Variants in FIP1L1 observed in about 807,000 individuals in gnomAD.
FIP1L1 encodes the protein factor interacting with PAPOLA and CPSF1.
A neutral mutation model predicts 84.6 loss-of-function variants in FIP1L1; 21 were observed. That is an observed-to-expected ratio of 0.25 (90% confidence interval 0.18 to 0.36). The LOEUF is 0.36. Among genes scored for constraint, FIP1L1 ranks in the 10% least tolerant of loss-of-function variants. FIP1L1 has a pLI of 1.00. For synonymous variants in FIP1L1, 263 were observed against 242.3 expected (o/e 1.09, Z -0.80); for missense variants, 526 against 751.1 (o/e 0.70, Z 3.50).
chr4:53,404,925 T>C (rs1404744524), intron 10 of FIP1L1, among the ~76,000 whole-genome samples: 10 of 151,020 alleles, frequency 6.6e-5, no homozygotes, highest in African/African-American at 2.4e-4. Context: ...GTCAGATGAG[T>C]AGGTTGCGAA....
rs1758714018 is a variant in FIP1L1, at chr4:53,414,777, T to C, written c.923+55T>C. ...CCTGATGTTTAGATCATCAATGTTG[T>C]TATGCCTTATTAGTAAGATAATAAA... On this transcript the variant is annotated intron_variant, in intron 11 of 17. Coordinates refer to ENST00000337488, the MANE Select transcript of FIP1L1 (RefSeq NM_030917.4). The C allele has an allele frequency of 2.7e-6, 3 of 1,095,700 alleles. No homozygotes were observed. In the Admixed American group the frequency reaches 5.8e-5, roughly 21 times the overall value. The allele number at this position is 1,095,700 out of a possible 1,614,324, so 67.9% of individuals were successfully genotyped here.
intron 14 of FIP1L1, among the ~76,000 whole-genome samples, 171 bp downstream of exon 14, chr4:53,442,878 C>T (rs555996882): frequency 6.6e-6 from 1 of 151,842 alleles, no homozygotes; most frequent in Non-Finnish European, 1.5e-5. Context: ...ACCTGTAGCC[C>T]GATATCAAAA....
chr4:53,414,563 G>T, intron 10 of FIP1L1, 52 bp from the exon 11 acceptor site: 4 of 1,236,452 alleles, frequency 3.2e-6, no homozygotes, highest in Non-Finnish European at 3.5e-6. Flanking sequence ...AGAACAAGGG[G>T]GGTCAGAGAC....
chr4:53,453,363 A>G (rs1560587804), intron 16 of FIP1L1, among the ~76,000 whole-genome samples: 2 of 152,094 alleles, frequency 1.3e-5, no homozygotes, highest in African/African-American at 4.8e-5. Flanking sequence ...CCCTTCATTT[A>G]TTTTTATCTT....
intron 6 of FIP1L1, 27 bp from the exon 7 acceptor site, chr4:53,390,494 C>T: frequency 1.4e-6 from 2 of 1,458,476 alleles, no homozygotes; most frequent in African/African-American, 1.4e-5. Context: ...AAGTATAGCT[C>T]CTTCATTTTG....
Position 53,459,502 on chromosome 4 carries a change from C to T in FIP1L1, c.*53C>T. On this transcript the variant is annotated 3_prime_UTR_variant, in exon 18 of 18. Transcript: ENST00000337488. ...AGTACCAGAAGTAGATACTATAAAT[C>T]TTGTTATTTTTCTGGATAATGTTTA... 1 of 1,607,940 alleles carries T rather than the reference C, an allele frequency of 6.2e-7. No individual in the cohort carries two copies. Among genetic ancestry groups the T allele is most frequent in the East Asian group, 2.2e-5 (1 of 44,836 alleles).
At chr4:53,421,206 C>T (rs1477537571) in intron 11 of FIP1L1, among the ~76,000 whole-genome samples, 2 of 152,142 alleles carry the variant, frequency 1.3e-5, no homozygotes, top group Non-Finnish European at 2.9e-5. Context: ...ACAATGGGAG[C>T]TGATATTTGT....
chr4:53,377,748 C>G lies in FIP1L1; in HGVS notation c.-91C>G. 1 of 1,244,494 alleles carries G rather than the reference C, an allele frequency of 8.0e-7. No homozygotes were observed. The highest frequency in any genetic ancestry group is 1.1e-6 in the Non-Finnish European group (1 of 926,064). The allele number at this position is 1,244,494 out of a possible 1,614,324, so 77.1% of individuals were successfully genotyped here. ...TTCTTCGTTCGTTCGTCGGCGGGTT[C>G]GCGCCCTTCTCGCGCCTCGGGGCTG... On this transcript the variant is annotated 5_prime_UTR_variant, in exon 1 of 18. Coordinates refer to ENST00000337488, the MANE Select transcript of FIP1L1 (RefSeq NM_030917.4).
At chr4:53,428,800 ACTTT>A (rs1277108814) in intron 13 of FIP1L1, among the ~76,000 whole-genome samples, 1 of 152,074 alleles carries the variant, frequency 6.6e-6, no homozygotes, top group Non-Finnish European at 1.5e-5. Context: ...TGCCTTTCTT[ACTTT>A]GTTTTTAACC....
At chr4:53,445,240 A>T (rs1198211397) in intron 15 of FIP1L1, among the ~76,000 whole-genome samples, 2 of 152,218 alleles carry the variant, frequency 1.3e-5, no homozygotes, top group African/African-American at 4.8e-5. Context: ...ACATTTGAAA[A>T]ATCTCCATTC....
chr4:53,416,229 A>C (rs1015392497), intron 11 of FIP1L1, among the ~76,000 whole-genome samples: 3 of 152,226 alleles, frequency 2.0e-5, no homozygotes, highest in Non-Finnish European at 4.4e-5. Flanking sequence ...TTAACCTGGC[A>C]GTATGGACAG....
At position 53,377,942 on chromosome 4, in the gene FIP1L1, C is replaced by T. The variant is rs968284233; in HGVS notation, c.85+19C>T. 3.2e-6 allele frequency: 5 copies of T among 1,564,482 alleles called. No homozygotes were observed. The African/African-American group carries it at 5.5e-5, about 17-fold the overall frequency. On this transcript the variant is annotated intron_variant, in intron 1 of 17. Transcript: ENST00000337488. ...TATGGCGGTACGAAACTTCCTGTCT[C>T]TGTCTCTCGGGTTCTCTCAGGCCTC...
chr4:53,406,496 T>C (rs557542670), intron 10 of FIP1L1, among the ~76,000 whole-genome samples: 19 of 152,356 alleles, frequency 1.2e-4, no homozygotes, highest in African/African-American at 4.6e-4. Flanking sequence ...TCTACCCGGC[T>C]TTGGTATCAG....
At position 53,436,886 on chromosome 4, in the gene FIP1L1, G is replaced by A. The variant is rs557279403; in HGVS notation, c.1175-5767G>A. ...CACCCACTTTTACATTTAAGTGTAT[G>A]TGTTATATGCTGGAAAAATTAAGCT... On this transcript the variant is annotated intron_variant, in intron 13 of 17. Coordinates refer to ENST00000337488, the MANE Select transcript of FIP1L1 (RefSeq NM_030917.4). Among the ~76,000 whole-genome samples, 7 of 152,202 alleles carry A rather than the reference G, an allele frequency of 4.6e-5. No homozygotes were observed. The South Asian group carries it at 1.2e-3, about 27-fold the overall frequency.
At chr4:53,399,241 G>A (rs1373160385) in intron 9 of FIP1L1, among the ~76,000 whole-genome samples, 1 of 152,204 alleles carries the variant, frequency 6.6e-6, no homozygotes, top group Non-Finnish European at 1.5e-5. Flanking sequence ...GGGAGAAATT[G>A]TATGGATGTA....
At chr4:53,405,215 C>G (rs1348335926) in intron 10 of FIP1L1, among the ~76,000 whole-genome samples, 8 of 152,106 alleles carry the variant, frequency 5.3e-5, no homozygotes, top group African/African-American at 1.7e-4. Flanking sequence ...CCAGTTTCAG[C>G]TCTCTACATA....
chr4:53,449,965 G>A lies in FIP1L1; in HGVS notation c.1286-2955G>A, dbSNP rs6833666. Among the ~76,000 whole-genome samples, 947 of 152,062 alleles carry A rather than the reference G, an allele frequency of 6.2e-3. 11 individuals carry two copies. The highest frequency in any genetic ancestry group is 0.021 in the African/African-American group (881 of 41,514). ...TTTTTGCTTCTGATGCTGTTTATGT[G>A]TTCTCTTTTTTCTTAATCTTGTCAT... On this transcript the variant is annotated intron_variant, in intron 15 of 17. Coordinates refer to ENST00000337488, the MANE Select transcript of FIP1L1 (RefSeq NM_030917.4).
Position 53,381,756 on chromosome 4 carries a change from T to C in FIP1L1, c.171-522T>C, listed in dbSNP as rs1182976376. On this transcript the variant is annotated intron_variant, in intron 3 of 17. Transcript: ENST00000337488. ...AAACTGTGAAGGCATTTGCATTCTT[T>C]TTTTTTTTTTTTTTTTTTTTTGAGA... is the stretch of plus-strand genomic sequence containing the variant. 3.1e-3 allele frequency among the ~76,000 whole-genome samples: 187 copies of C among 59,706 alleles called. 1 individual carries two copies. The highest frequency in any genetic ancestry group is 5.7e-3 in the Non-Finnish European group (116 of 20,192). 39.2% of individuals were successfully genotyped at this position (59,706 alleles called of 152,430 possible).
At chr4:53,444,195 C>A in intron 15 of FIP1L1, 92 bp downstream of exon 15, 3 of 842,404 alleles carry the variant, frequency 3.6e-6, no homozygotes, top group Non-Finnish European at 6.0e-6. Flanking sequence ...CATGGTTTAA[C>A]ATCTTACAGA....
Sources: allele counts gnomAD v4.1 joint callset (sites outside exome capture counted in the v4.1 genomes callset), GRCh38; gene constraint gnomAD v4.1.1; transcripts MANE v1.5; gene names NCBI Gene and HGNC (gene_info 2026-07-23, HGNC 2026-07-21).